The following MARK2 variants were observed in gnomAD, a reference collection of about 807,000 sequenced individuals.
MARK2 encodes the protein microtubule affinity regulating kinase 2, also known as serine/threonine-protein kinase MARK2.
Under a neutral mutation model 89.8 loss-of-function variants are expected in MARK2, and 16 were observed. The ratio of observed to expected loss-of-function variants is 0.18; its 90% CI spans 0.12 to 0.27. MARK2 has a LOEUF of 0.27. Among genes scored for constraint, MARK2 ranks in the 10% least tolerant of loss-of-function variants. MARK2 has a pLI of 1.00. For missense variants in MARK2, 621 were observed against 1,049.9 expected (o/e 0.59, Z 5.65); for synonymous variants, 382 against 399.5 (o/e 0.96, Z 0.52).
intron 1 of MARK2, among the ~76,000 whole-genome samples, chr11:63,853,788 T>C (rs2016692118): frequency 6.6e-6 from 1 of 152,328 alleles, no homozygotes; most frequent in Admixed American, 6.5e-5. Flanking sequence ...ATAAAAGCCA[T>C]TTTTACTTGA....
chr11:63,902,062 G>T lies in MARK2; in HGVS notation c.1102-136G>T. ...GGTCTCCTCCAGGGGGGATGTATTG[G>T]TCTTACAAGTGGATGTCCGGTATGA... On this transcript the variant is annotated intron_variant, in intron 11 of 18. Coordinates refer to ENST00000402010, the MANE Select transcript of MARK2 (RefSeq NM_001039469.3). The surrounding 1 kb of genome is among the most constrained non-coding windows in gnomAD (Gnocchi z 4.2). The T allele has an allele frequency of 1.2e-6, 1 of 857,216 alleles. No individual in the cohort carries two copies. The highest frequency in any genetic ancestry group is 1.8e-6 in the Non-Finnish European group (1 of 554,764). The allele number at this position is 857,216 out of a possible 1,614,324, so 53.1% of individuals were successfully genotyped here.
At chr11:63,852,030 G>A (rs907554616) in intron 1 of MARK2, among the ~76,000 whole-genome samples, 2 of 152,162 alleles carry the variant, frequency 1.3e-5, no homozygotes, top group South Asian at 2.1e-4. Flanking sequence ...GGTGATGCAC[G>A]AAGTCAAAAT....
chr11:63,890,552 C>T (rs751627648), intron 1 of MARK2, among the ~76,000 whole-genome samples: 4 of 152,146 alleles, frequency 2.6e-5, no homozygotes, highest in South Asian at 2.1e-4. Context: ...GTGCTGGTGT[C>T]GGCTAGCAAC....
At chr11:63,862,964 C>T (rs373758495) in intron 1 of MARK2, among the ~76,000 whole-genome samples, 5 of 152,184 alleles carry the variant, frequency 3.3e-5, no homozygotes, top group Non-Finnish European at 5.9e-5. Context: ...CTCTTACAAC[C>T]GTCTGTGTGC....
At chr11:63,895,111 AG>A (rs752277973) in intron 1 of MARK2, 47 bp from the exon 2 acceptor site, 1 of 1,540,428 alleles carries the variant, frequency 6.5e-7, no homozygotes, top group East Asian at 2.3e-5. Flanking sequence ...GAGCGTTTAG[AG>A]GACTGGAAGT....
intron 1 of MARK2, among the ~76,000 whole-genome samples, chr11:63,884,627 T>C (rs1272372776): frequency 2.6e-5 from 4 of 152,190 alleles, no homozygotes; most frequent in Non-Finnish European, 5.9e-5. Flanking sequence ...CCATCTACAA[T>C]GGGACAGTAA....
intron 1 of MARK2, among the ~76,000 whole-genome samples, chr11:63,870,190 A>T (rs1219666989): frequency 1.3e-5 from 2 of 152,202 alleles, no homozygotes; most frequent in Non-Finnish European, 2.9e-5. Context: ...ATCCTGCCGG[A>T]GACTATGCCC....
rs540710085 is a variant in MARK2 at position 63,895,140 on chromosome 11, C to T, written c.55-19C>T. On this transcript the variant is annotated intron_variant, in intron 1 of 18. Coordinates refer to ENST00000402010, the MANE Select transcript of MARK2 (RefSeq NM_001039469.3). ...CTGGAAGTGTGGCATGTAATGGTAT[C>T]TCTGTTTCCACCCCGCAGCCCACCT... The T allele has an allele frequency of 3.1e-6, 5 of 1,606,388 alleles. No homozygotes were observed. The highest frequency in any genetic ancestry group is 4.3e-6 in the Non-Finnish European group (5 of 1,174,896).
chr11:63,903,285 G>T lies in MARK2; in HGVS notation c.1514+127G>T. 1.4e-6 allele frequency: 1 copy of T among 733,202 alleles called. No homozygotes were observed. Among genetic ancestry groups the T allele is most frequent in the Non-Finnish European group, 2.4e-6 (1 of 421,314 alleles). 45.4% of individuals were successfully genotyped at this position (733,202 alleles called of 1,614,324 possible). ...CCCTGCTCCCTGGAGTTCCATCCTG[G>T]CTGTGTCCAGTCCAGCTTTCCCCTC... On this transcript the variant is annotated intron_variant, in intron 14 of 18. Coordinates refer to ENST00000402010, the MANE Select transcript of MARK2 (RefSeq NM_001039469.3). This position sits in a 1 kb window ranked among gnomAD's most constrained non-coding sequence, Gnocchi z 5.1.
intron 5 of MARK2, 41 bp from the exon 6 acceptor site, chr11:63,898,722 C>T (rs772362559): frequency 1.4e-4 from 227 of 1,611,346 alleles, no homozygotes; most frequent in Non-Finnish European, 1.7e-4. Context: ...TCTTCCACCT[C>T]CAGCCAGCTC....
intron 1 of MARK2, among the ~76,000 whole-genome samples, chr11:63,879,523 C>T (rs576265735): frequency 5.9e-5 from 9 of 151,902 alleles, no homozygotes; most frequent in Non-Finnish European, 1.3e-4. Flanking sequence ...AGTCCAGTAG[C>T]ACCTGAAACA....
At position 63,910,696 on chromosome 11, in the gene MARK2, A is replaced by G. The variant is rs1227683539; in HGVS notation, c.*1459A>G. The stretch of plus-strand genomic sequence containing the variant: ...TATGATGACTCCACCCCTCTTCATC[A>G]CCCCCGCTCCCAGGCCAGGCTCAGC... On this transcript the variant is annotated 3_prime_UTR_variant, in exon 19 of 19. Coordinates refer to ENST00000402010, the MANE Select transcript of MARK2 (RefSeq NM_001039469.3). 1 of 137,192 alleles carries G rather than the reference A, an allele frequency of 7.3e-6. No homozygotes were observed. The highest frequency in any genetic ancestry group is 1.5e-5 in the Non-Finnish European group (1 of 64,970). 8.5% of individuals were successfully genotyped at this position (137,192 alleles called of 1,614,324 possible).
At chr11:63,878,085 C>T (rs573119236) in intron 1 of MARK2, among the ~76,000 whole-genome samples, 2 of 152,312 alleles carry the variant, frequency 1.3e-5, no homozygotes, top group Admixed American at 6.5e-5. Context: ...GCACAGCCCC[C>T]GCATCGGTTG....
Position 63,862,072 on chromosome 11 carries a change from C to T in MARK2, c.54+22512C>T, listed in dbSNP as rs201810373. On this transcript the variant is annotated intron_variant, in intron 1 of 18. Coordinates refer to ENST00000402010, the MANE Select transcript of MARK2 (RefSeq NM_001039469.3). ...CCGAGTAGCTGGGATTGCAGGTATCCGCCACCATGCCCGGCTAATATTTTG... is the reference window on the plus strand; with the variant it reads ...CCGAGTAGCTGGGATTGCAGGTATCTGCCACCATGCCCGGCTAATATTTTG... 7.2e-5 allele frequency among the ~76,000 whole-genome samples: 11 copies of T among 151,726 alleles called. No homozygotes were observed. In the East Asian group the frequency reaches 9.6e-4, roughly 13 times the overall value.
At chr11:63,849,551 G>A (rs1011214658) in intron 1 of MARK2, among the ~76,000 whole-genome samples, 2 of 152,268 alleles carry the variant, frequency 1.3e-5, no homozygotes, top group East Asian at 1.9e-4. Flanking sequence ...TCAGGAGTTC[G>A]AGACCAGCCT....
At chr11:63,856,771 T>G (rs1383681557) in intron 1 of MARK2, among the ~76,000 whole-genome samples, 330 of 9,276 alleles carry the variant, frequency 0.036, 7 homozygotes, top group African/African-American at 0.2. Context: ...TTTTCATGTT[T>G]TTTTTTTTTT....
At chr11:63,856,542 G>A (rs1319214385) in intron 1 of MARK2, among the ~76,000 whole-genome samples, 1 of 149,870 alleles carries the variant, frequency 6.7e-6, no homozygotes, top group Non-Finnish European at 1.5e-5. Context: ...TCCCACCTCC[G>A]CCTCCCAAGT....
intron 1 of MARK2, among the ~76,000 whole-genome samples, chr11:63,872,876 C>A (rs1052944638): frequency 6.6e-6 from 1 of 150,498 alleles, no homozygotes; most frequent in East Asian, 2.0e-4. Flanking sequence ...TCCTCTCCCC[C>A]ACTTCTCCCT....
chr11:63,884,918 A>G (rs777671916), intron 1 of MARK2, among the ~76,000 whole-genome samples: 1 of 152,214 alleles, frequency 6.6e-6, no homozygotes, highest in Non-Finnish European at 1.5e-5. Flanking sequence ...GATGTCCCAT[A>G]TGGCCATGCG....
Sources: gnomAD v4.1 joint callset for allele counts (sites outside exome capture counted in the v4.1 genomes callset) on GRCh38, gnomAD v4.1.1 for gene constraint, Gnocchi (gnomAD v3.1) non-coding constraint, MANE v1.5 for transcripts, NCBI Gene and HGNC (gene_info 2026-07-23, HGNC 2026-07-21) for gene names.